The following MEIS1 variants were observed in gnomAD, a reference collection of about 807,000 sequenced individuals.
The protein encoded by MEIS1 is homeobox protein Meis1.
In MEIS1, 5 loss-of-function variants were observed where a neutral mutation model predicts 50.8. The observed-to-expected ratio is 0.10, with a 90% CI of 0.05 to 0.21. The LOEUF (loss-of-function observed/expected upper bound fraction) is 0.21. MEIS1 is among the 10% of genes least tolerant of loss of function. MEIS1 has a pLI of 1.00. For synonymous variants in MEIS1, 176 were observed against 179.3 expected, an observed-to-expected ratio of 0.98 and a Z score of 0.15; for missense variants, 318 against 517.3, an observed-to-expected ratio of 0.61 and a Z score of 3.74.
At chr2:66,474,351 G>C (rs1397758297) in intron 7 of MEIS1, among the ~76,000 whole-genome samples, 1 of 151,976 alleles carries the variant, frequency 6.6e-6, no homozygotes, top group African/African-American at 2.4e-5. Context: ...CTGTAGCAAG[G>C]GTAACTATGC....
At chr2:66,477,501 C>T (rs1672921372) in intron 7 of MEIS1, among the ~76,000 whole-genome samples, 2 of 152,302 alleles carry the variant, frequency 1.3e-5, no homozygotes, top group East Asian at 1.9e-4. Context: ...AGAGGTGATG[C>T]TTTTCCCACC....
At chr2:66,539,136 C>G (rs985209260) in intron 8 of MEIS1, among the ~76,000 whole-genome samples, 1 of 152,154 alleles carries the variant, frequency 6.6e-6, no homozygotes, top group South Asian at 2.1e-4. Flanking sequence ...ATCCACCTGC[C>G]TTGGCCTCCT....
At chr2:66,518,288 T>C (rs1172331164) in intron 8 of MEIS1, among the ~76,000 whole-genome samples, 1 of 152,212 alleles carries the variant, frequency 6.6e-6, no homozygotes, top group African/African-American at 2.4e-5. Context: ...AATTTTTGTG[T>C]GCAGTGAAAT....
intron 8 of MEIS1, among the ~76,000 whole-genome samples, chr2:66,534,533 TA>T (rs766470535): frequency 1.1e-3 from 136 of 128,844 alleles, no homozygotes; most frequent in East Asian, 5.5e-3. Flanking sequence ...GACTCTGTCT[TA>T]AAAAAAAAAA....
At chr2:66,517,914 GCT>G (rs916930221) in intron 8 of MEIS1, among the ~76,000 whole-genome samples, 1 of 152,202 alleles carries the variant, frequency 6.6e-6, no homozygotes, top group Non-Finnish European at 1.5e-5. Flanking sequence ...AAAGGCTACA[GCT>G]GGAATTCTTC....
At chr2:66,567,536 T>G in intron 10 of MEIS1, 25 bp downstream of exon 10, 1 of 1,612,244 alleles carries the variant, frequency 6.2e-7, no homozygotes, top group Non-Finnish European at 8.5e-7. Context: ...GTGACTGTAT[T>G]CAAGTCACGC....
chr2:66,463,451 A>G (rs775052265), intron 6 of MEIS1, among the ~76,000 whole-genome samples: 3 of 152,186 alleles, frequency 2.0e-5, no homozygotes, highest in Non-Finnish European at 2.9e-5. Flanking sequence ...TCTGAATGTT[A>G]CTTTCAAATG....
At chr2:66,450,425 A>T (rs1672251550) in intron 6 of MEIS1, among the ~76,000 whole-genome samples, 1 of 152,140 alleles carries the variant, frequency 6.6e-6, no homozygotes, top group South Asian at 2.1e-4. Context: ...GCAATATAAC[A>T]AGACCCTGTC....
At chr2:66,566,591 G>T (rs1288899295) in intron 9 of MEIS1, among the ~76,000 whole-genome samples, 1 of 39,654 alleles carries the variant, frequency 2.5e-5, no homozygotes, top group Non-Finnish European at 8.4e-5. Flanking sequence ...TGACTCTGGA[G>T]AGCGTATATT....
chr2:66,544,730 A>G (rs1674747429), intron 8 of MEIS1, among the ~76,000 whole-genome samples: 1 of 152,190 alleles, frequency 6.6e-6, no homozygotes, highest in African/African-American at 2.4e-5. Flanking sequence ...ATTATGCTGC[A>G]TGAAATTAGA....
chr2:66,479,804 C>T (rs937129365), intron 7 of MEIS1, among the ~76,000 whole-genome samples: 5 of 152,138 alleles, frequency 3.3e-5, no homozygotes, highest in African/African-American at 4.8e-5. Flanking sequence ...AATCAAGAAG[C>T]CCCGGGCCAT....
intron 6 of MEIS1, among the ~76,000 whole-genome samples, chr2:66,450,518 G>T (rs911065136): frequency 6.6e-6 from 1 of 152,068 alleles, no homozygotes. Context: ...ATAAGTTTAC[G>T]AAGTGAAATT....
intron 7 of MEIS1, among the ~76,000 whole-genome samples, chr2:66,510,583 TTTTGCA>T (rs1673803588): frequency 6.6e-6 from 1 of 152,158 alleles, no homozygotes; most frequent in African/African-American, 2.4e-5. Flanking sequence ...TTTGCAAAAG[TTTTGCA>T]TTTATAGCAT....
intron 7 of MEIS1, 69 bp from the exon 8 acceptor site, chr2:66,512,080 A>C: frequency 6.9e-7 from 1 of 1,454,152 alleles, no homozygotes; most frequent in Non-Finnish European, 9.1e-7. Context: ...GTTTATATCC[A>C]AAGGCATTCT....
chr2:66,438,207 G>A (rs1372797565), intron 2 of MEIS1, among the ~76,000 whole-genome samples: 1 of 152,238 alleles, frequency 6.6e-6, no homozygotes, highest in Non-Finnish European at 1.5e-5. Flanking sequence ...GGGGGTCCCA[G>A]ATGAGAAGAA....
chr2:66,500,796 C>G (rs1363799947), intron 7 of MEIS1, among the ~76,000 whole-genome samples: 2 of 152,154 alleles, frequency 1.3e-5, no homozygotes, highest in African/African-American at 4.8e-5. Flanking sequence ...AAAGTGACCT[C>G]AGATAAATAA....
intron 9 of MEIS1, among the ~76,000 whole-genome samples, chr2:66,561,466 T>G (rs1223737750): frequency 6.6e-6 from 1 of 151,958 alleles, no homozygotes; most frequent in Non-Finnish European, 1.5e-5. Context: ...TATATATCAA[T>G]TATCATCTGT....
Position 66,437,820 on chromosome 2 carries a change from C to G in MEIS1, c.96C>G (p.Ser32=), listed in dbSNP as rs769973553. Reference sequence around the variant, plus strand: ...ATGGGGACCCGCATGCAGCCAGGTCCATGCAGCCGGTCCACCACCTGAACC... The same window carrying G: ...ATGGGGACCCGCATGCAGCCAGGTCGATGCAGCCGGTCCACCACCTGAACC... ...TMYGDPHAAR[S]MQPVHHLNHG... Residue 32 remains serine (S), a synonymous_variant, in exon 2 of 13, where the codon TCC becomes TCG. Coordinates refer to ENST00000272369, the MANE Select transcript of MEIS1 (RefSeq NM_002398.3). The G allele has an allele frequency of 1.9e-6, 3 of 1,613,988 alleles. No homozygotes were observed. The highest frequency in any genetic ancestry group is 1.7e-6 in the Non-Finnish European group (2 of 1,179,892).
chr2:66,477,103 G>C (rs557124310), intron 7 of MEIS1, among the ~76,000 whole-genome samples: 44 of 152,292 alleles, frequency 2.9e-4, no homozygotes, highest in African/African-American at 1.0e-3. Context: ...CATTGGTTTA[G>C]CAGGCAGTAG....
Sources: gnomAD v4.1 joint callset for allele counts (sites outside exome capture counted in the v4.1 genomes callset) on GRCh38, gnomAD v4.1.1 for gene constraint, MANE v1.5 for transcripts, NCBI Gene and HGNC (gene_info 2026-07-23, HGNC 2026-07-21) for gene names.